Variants in FRMPD4 observed in about 807,000 individuals in gnomAD.
The protein encoded by FRMPD4 is FERM and PDZ domain-containing protein 4.
In FRMPD4, 22 loss-of-function variants were observed where a neutral mutation model predicts 94.1. That is an observed-to-expected ratio of 0.23 (90% confidence interval 0.17 to 0.33). FRMPD4 has a LOEUF of 0.33. Ranked by LOEUF, FRMPD4 falls within the 10% of genes least tolerant of loss-of-function variation. FRMPD4 has a pLI of 1.00. For synonymous variants in FRMPD4, 631 were observed against 548.6 expected (o/e 1.15, Z -2.10); for missense variants, 1,111 against 1,339.9 (o/e 0.83, Z 2.67).
At chrX:11,862,545 G>T (rs1023799442) in intron 1 of FRMPD4, among the ~76,000 whole-genome samples, 1 of 110,984 alleles carries the variant, frequency 9.0e-6, no homozygotes, top group Non-Finnish European at 1.9e-5. Context: ...TCCTACAGTT[G>T]TGTCAGGGCT....
At chrX:11,975,166 G>C (rs1185116805) in intron 3 of FRMPD4, among the ~76,000 whole-genome samples, 1 of 112,044 alleles carries the variant, frequency 8.9e-6, no homozygotes, top group Non-Finnish European at 1.9e-5. Flanking sequence ...TCACAAAGGA[G>C]GGCAGAGACT....
intron 3 of FRMPD4, among the ~76,000 whole-genome samples, chrX:12,095,495 C>T (rs1482504525): frequency 4.5e-5 from 5 of 111,558 alleles, no homozygotes; most frequent in African/African-American, 1.6e-4. Flanking sequence ...TTACATATGT[C>T]TGTGGCTGTT....
intron 1 of FRMPD4, among the ~76,000 whole-genome samples, chrX:12,374,377 A>G (rs1243929813): frequency 7.2e-5 from 8 of 111,850 alleles, no homozygotes; most frequent in Admixed American, 6.6e-4. Context: ...CCCAAAGCCT[A>G]TATGATCCAT....
intron 3 of FRMPD4, among the ~76,000 whole-genome samples, chrX:11,943,478 G>A (rs1322578601): frequency 2.7e-5 from 3 of 110,925 alleles, no homozygotes; most frequent in Non-Finnish European, 3.8e-5. Context: ...AGGCCTTCAA[G>A]CTGCATTATC....
In FRMPD4 at chrX:11,891,850, G is replaced by T. The variant is rs1377740597; in HGVS notation, c.95+13832G>T. 3.6e-5 allele frequency among the ~76,000 whole-genome samples: 4 copies of T among 112,325 alleles called. No homozygotes were observed. The Admixed American group carries it at 3.8e-4, about 11-fold the overall frequency. Reference sequence around the variant, plus strand: ...CATTTAGTAGTATCAAAATTATTGTGAGAGTAGAAACTGTCTAGTTTACTA... The same window carrying T: ...CATTTAGTAGTATCAAAATTATTGTTAGAGTAGAAACTGTCTAGTTTACTA... On this transcript the variant is annotated intron_variant, in intron 3 of 18. Transcript: ENST00000640291.
At chrX:12,068,466 G>A (rs967787436) in intron 3 of FRMPD4, among the ~76,000 whole-genome samples, 3 of 111,551 alleles carry the variant, frequency 2.7e-5, no homozygotes, top group East Asian at 2.8e-4. Flanking sequence ...AAACTATAAA[G>A]GGAGGAAGGA....
At position 12,718,349 on chromosome X, in the gene FRMPD4, G is replaced by C. The variant is rs371295955; in HGVS notation, c.3523G>C (p.Asp1175His). ...AGAGGACGCTGACTCGTCCACCTGC[G>C]ACCATCCTTCCAAGCTTCCTGAGGC... ...NPEDADSSTC[D>H]HPSKLPEADE... Residue 1175 changes from aspartate (D) to histidine (H), a missense_variant, in exon 16 of 17, where the codon GAC (aspartate) becomes CAC (histidine). By Grantham distance (81) the Asp-to-His change is moderately conservative. Around this residue, in one of 8 missense-constraint regions of FRMPD4, gnomAD observed 551 missense variants for 591.6 expected, o/e 0.93. Transcript: ENST00000675598. The C allele has an allele frequency of 8.3e-7, 1 of 1,211,753 alleles. No individual in the cohort carries two copies. Among genetic ancestry groups the C allele is most frequent in the Non-Finnish European group, 1.1e-6 (1 of 895,381 alleles).
At chrX:11,850,527 G>C (rs748181387) in intron 1 of FRMPD4, among the ~76,000 whole-genome samples, 1 of 112,490 alleles carries the variant, frequency 8.9e-6, no homozygotes, top group South Asian at 3.7e-4. Context: ...TTATTCACAA[G>C]AGCCAAAAGG....
At chrX:12,298,732 A>G (rs925927518) in intron 1 of FRMPD4, among the ~76,000 whole-genome samples, 2 of 112,397 alleles carry the variant, frequency 1.8e-5, no homozygotes, top group East Asian at 5.6e-4. Flanking sequence ...ATCTGATTTG[A>G]ATATAAATTG....
intron 1 of FRMPD4, among the ~76,000 whole-genome samples, chrX:12,177,668 G>T (rs938400804): frequency 8.9e-6 from 1 of 112,207 alleles, no homozygotes; most frequent in East Asian, 2.8e-4. Flanking sequence ...TGTCTATGGT[G>T]ATTGCCTTCA....
At chrX:12,431,881 C>T (rs1462810273) in intron 1 of FRMPD4, among the ~76,000 whole-genome samples, 1 of 111,934 alleles carries the variant, frequency 8.9e-6, no homozygotes, top group Non-Finnish European at 1.9e-5. Flanking sequence ...GTCATTTCTG[C>T]CTTATCTGGA....
intron 1 of FRMPD4, among the ~76,000 whole-genome samples, chrX:12,141,356 C>T (rs1484712752): frequency 8.9e-6 from 1 of 111,834 alleles, no homozygotes; most frequent in Admixed American, 9.5e-5. Context: ...AATGTTAATT[C>T]AGAAGGCATA....
chrX:12,720,770 C>G lies in FRMPD4; in HGVS notation c.4201C>G (p.Leu1401Val). 1 of 1,047,103 alleles carries G rather than the reference C, an allele frequency of 9.6e-7. No individual in the cohort carries two copies. Among genetic ancestry groups the G allele is most frequent in the Non-Finnish European group, 1.2e-6 (1 of 818,554 alleles). 86.3% of individuals were successfully genotyped at this position (1,047,103 alleles called of 1,213,427 possible). ...SLRTPPSQKA[L>V]RHSSSILSGS... The stretch of plus-strand genomic sequence containing the variant: ...CAGGACACCTCCCAGCCAGAAGGCT[C>G]TGAGACATAGCAGCAGTATCCTCTC... Residue 1401 changes from leucine (L) to valine (V), a missense_variant, in exon 17 of 17, where the codon CTG becomes GTG. Leu to Val is a conservative substitution (Grantham distance 32). Coordinates refer to ENST00000675598, the MANE Select transcript of FRMPD4 (RefSeq NM_001368397.1).
chrX:12,711,885 A>G (rs1476175158), intron 14 of FRMPD4, among the ~76,000 whole-genome samples: 3 of 110,329 alleles, frequency 2.7e-5, no homozygotes, highest in African/African-American at 9.9e-5. Context: ...ATATACTGCA[A>G]TATGTAGACA....
chrX:12,326,223 TG>T (rs2055285046), intron 1 of FRMPD4, among the ~76,000 whole-genome samples: 1 of 112,018 alleles, frequency 8.9e-6, no homozygotes, highest in Non-Finnish European at 1.9e-5. Flanking sequence ...GTCTCAAGCT[TG>T]TTGACATTCT....
chrX:12,123,902 C>T (rs2055477787), intron 3 of FRMPD4, among the ~76,000 whole-genome samples: 1 of 111,628 alleles, frequency 9.0e-6, no homozygotes, highest in Non-Finnish European at 1.9e-5. Flanking sequence ...CATGTCACTG[C>T]TATTCTAAAA....
chrX:12,156,017 G>T (rs935946203), intron 1 of FRMPD4, among the ~76,000 whole-genome samples: 1 of 111,816 alleles, frequency 8.9e-6, no homozygotes, highest in African/African-American at 3.3e-5. Context: ...TACAGAAAAA[G>T]TTTGCCAACC....
intron 1 of FRMPD4, among the ~76,000 whole-genome samples, chrX:12,208,206 A>G (rs763533815): frequency 2.7e-5 from 3 of 111,444 alleles, no homozygotes; most frequent in Admixed American, 9.6e-5. Flanking sequence ...CGTATTATCA[A>G]TAATATCCAG....
intron 4 of FRMPD4, among the ~76,000 whole-genome samples, chrX:12,634,824 C>CTTTTTTTTTT (rs780126204): frequency 1.9e-5 from 1 of 52,216 alleles, no homozygotes; most frequent in Non-Finnish European, 3.3e-5. Flanking sequence ...GTCCATCTCT[C>CTTTTTTTTTT]TTTTTTTTTT....
Sources: allele counts gnomAD v4.1 joint callset (sites outside exome capture counted in the v4.1 genomes callset), GRCh38; gene constraint gnomAD v4.1.1; regional missense constraint gnomAD v4.1.1; transcripts MANE v1.5; gene names NCBI Gene and HGNC (gene_info 2026-07-23, HGNC 2026-07-21).